Variants in TSPAN12 observed in about 807,000 individuals in gnomAD.
TSPAN12 encodes tetraspanin-12.
Under a neutral mutation model 39.2 loss-of-function variants are expected in TSPAN12, and 19 were observed. The observed-to-expected ratio is 0.49, with a 90% CI of 0.34 to 0.71. The LOEUF (loss-of-function observed/expected upper bound fraction) is 0.71, where lower values mean the gene tolerates loss of function less well. Among genes scored for constraint, TSPAN12 ranks in the 30% least tolerant of loss-of-function variants. The pLI, the probability that TSPAN12 is intolerant of heterozygous loss-of-function variation, is 0.01. For synonymous variants in TSPAN12, 119 were observed against 124.8 expected (o/e 0.95, Z 0.31); for missense variants, 314 against 359.9 (o/e 0.87, Z 1.03).
At chr7:120,851,644 C>T (rs1222665452) in intron 2 of TSPAN12, among the ~76,000 whole-genome samples, 1 of 152,028 alleles carries the variant, frequency 6.6e-6, no homozygotes, top group African/African-American at 2.4e-5. Context: ...TGGTAGAAAG[C>T]TCTCATTTCT....
chr7:120,810,313 T>G (rs1309502723), intron 6 of TSPAN12, 150 bp downstream of exon 6: 4 of 652,364 alleles, frequency 6.1e-6, no homozygotes, highest in Non-Finnish European at 1.1e-5. Context: ...ACCTAAGATA[T>G]TTTTCAAGAA....
At chr7:120,858,311 G>A (rs1794915580), upstream of TSPAN12, 1 of 152,318 alleles carries the variant, frequency 6.6e-6, no homozygotes, top group African/African-American at 2.4e-5. Flanking sequence ...TAAAATGGTG[G>A]CGTCGAAGGA....
intron 2 of TSPAN12, among the ~76,000 whole-genome samples, chr7:120,852,177 A>G (rs1461637510): frequency 6.6e-6 from 1 of 152,182 alleles, no homozygotes; most frequent in African/African-American, 2.4e-5. Context: ...TGTTTTTGTG[A>G]TTAAGATTTA....
chr7:120,810,371 A>T (rs1419284155), intron 6 of TSPAN12, 92 bp downstream of exon 6: 10 of 840,970 alleles, frequency 1.2e-5, no homozygotes, highest in Non-Finnish European at 1.8e-5. Flanking sequence ...TTTTCAGCAC[A>T]GAGGAAATTA....
At chr7:120,858,256 G>A (rs918086905), upstream of TSPAN12, 3 of 152,330 alleles carry the variant, frequency 2.0e-5, no homozygotes, top group South Asian at 2.1e-4. Context: ...GGGTCCAGAA[G>A]ATAATGCCTA....
Position 120,826,466 on chromosome 7 carries a change from C to T in TSPAN12, c.286-10663G>A, listed in dbSNP as rs117731192. On this transcript the variant is annotated intron_variant, in intron 4 of 7. Transcript: ENST00000222747. ...ATCTCAAAAGATTTACAGGCTGTTA[C>T]TGGTTTCTGAAGAGGGTATCTATAC... Among the ~76,000 whole-genome samples the T allele has an allele frequency of 5.4e-3, 824 of 152,284 alleles. 5 individuals are homozygous for T. The highest frequency in any genetic ancestry group is 9.7e-3 in the Non-Finnish European group (662 of 68,010).
chr7:120,848,196 C>G (rs145606606), intron 2 of TSPAN12, among the ~76,000 whole-genome samples: 1,657 of 152,280 alleles, frequency 0.011, 15 homozygotes, highest in Middle Eastern at 0.058. Flanking sequence ...TGTAAAGATT[C>G]TCTCCCAACT....
chr7:120,858,115 G>T lies in TSPAN12; in HGVS notation c.-366C>A, dbSNP rs1454589645. The T allele has an allele frequency of 6.6e-6, 1 of 152,254 alleles. No homozygotes were observed. Among genetic ancestry groups the T allele is most frequent in the African/African-American group, 2.4e-5 (1 of 41,440 alleles). The allele number at this position is 152,254 out of a possible 1,614,324, so 9.4% of individuals were successfully genotyped here. ...GAGTCCGGACGAGGCAGCGGCGGCA[G>T]CCAGGGCCAGCTGCACAAACTCTCA... is the stretch of plus-strand genomic sequence containing the variant. On this transcript the variant is annotated 5_prime_UTR_variant, in exon 1 of 8. It adds an upstream start codon to the 5' untranslated region. Transcript: ENST00000222747.
chr7:120,822,506 C>T (rs1480989784), intron 4 of TSPAN12, among the ~76,000 whole-genome samples: 1 of 151,856 alleles, frequency 6.6e-6, no homozygotes, highest in African/African-American at 2.4e-5. Context: ...GAGATAACAG[C>T]AAGTATATTT....
chr7:120,851,723 G>A (rs1164312208), intron 2 of TSPAN12, among the ~76,000 whole-genome samples: 3 of 152,200 alleles, frequency 2.0e-5, no homozygotes, highest in South Asian at 4.2e-4. Flanking sequence ...GGTAACCCAC[G>A]TCCTTACTCC....
chr7:120,824,043 C>CA, intron 4 of TSPAN12, among the ~76,000 whole-genome samples: 1 of 152,184 alleles, frequency 6.6e-6, no homozygotes, highest in East Asian at 1.9e-4. Context: ...TCTAACTGCT[C>CA]AGGTACAGTC....
At chr7:120,799,812 AT>A (rs1163714848) in intron 7 of TSPAN12, among the ~76,000 whole-genome samples, 5 of 137,042 alleles carry the variant, frequency 3.6e-5, no homozygotes, top group African/African-American at 1.4e-4. Flanking sequence ...TATTTATTAT[AT>A]TTATTTTAAT....
intron 5 of TSPAN12, chr7:120,814,228 G>A: frequency 2.2e-6 from 1 of 456,652 alleles, no homozygotes; most frequent in Middle Eastern, 3.3e-4. Context: ...CTGTTCAATT[G>A]CCAAATGACT....
At position 120,846,725 on chromosome 7, in the gene TSPAN12, G is replaced by A. The variant is rs1584952765; in HGVS notation, c.67-6616C>T. On this transcript the variant is annotated intron_variant, in intron 2 of 7. Coordinates refer to ENST00000222747, the MANE Select transcript of TSPAN12 (RefSeq NM_012338.4). Reference sequence around the variant, plus strand: ...GTGGTGCAATTAACTAAGTGAAGAGGACACAGGTTAATCAACTTATCAGGG... The same window carrying A: ...GTGGTGCAATTAACTAAGTGAAGAGAACACAGGTTAATCAACTTATCAGGG... 2.0e-5 allele frequency among the ~76,000 whole-genome samples: 3 copies of A among 152,282 alleles called. No individual in the cohort carries two copies. The South Asian group carries it at 6.2e-4, about 32-fold the overall frequency.
At chr7:120,836,193 A>G (rs990281747) in intron 4 of TSPAN12, among the ~76,000 whole-genome samples, 1 of 152,210 alleles carries the variant, frequency 6.6e-6, no homozygotes, top group African/African-American at 2.4e-5. Context: ...GGAGGAAGCC[A>G]GAGAGGAGAG....
intron 2 of TSPAN12, among the ~76,000 whole-genome samples, chr7:120,853,872 CA>C (rs749642006): frequency 1.0e-3 from 101 of 97,796 alleles, no homozygotes; most frequent in East Asian, 1.4e-3. Context: ...GACTCCGTCC[CA>C]AAAAAAAAAA....
intron 2 of TSPAN12, among the ~76,000 whole-genome samples, chr7:120,856,063 G>A (rs1794864143): frequency 6.6e-6 from 1 of 152,118 alleles, no homozygotes; most frequent in African/African-American, 2.4e-5. Context: ...ATTTCCATGA[G>A]CTTGTTACAT....
intron 4 of TSPAN12, among the ~76,000 whole-genome samples, chr7:120,837,804 G>A (rs73425892): frequency 0.012 from 1,797 of 152,278 alleles, 32 homozygotes; most frequent in African/African-American, 0.039. Flanking sequence ...TGTGGGAGCT[G>A]GCTCCTTGAG....
chr7:120,825,454 AT>A (rs1794268877), intron 4 of TSPAN12, among the ~76,000 whole-genome samples: 2 of 152,174 alleles, frequency 1.3e-5, no homozygotes, highest in African/African-American at 4.8e-5. Flanking sequence ...ACATTTTAAT[AT>A]TTTTAAAACA....
Sources: gnomAD v4.1 joint callset for allele counts (sites outside exome capture counted in the v4.1 genomes callset) on GRCh38, gnomAD v4.1.1 for gene constraint, MANE v1.5 for transcripts, NCBI Gene and HGNC (gene_info 2026-07-23, HGNC 2026-07-21) for gene names.